Variants in ERC2 observed in about 807,000 individuals in gnomAD.
The protein encoded by ERC2 is ERC protein 2.
Under a neutral mutation model 114.8 loss-of-function variants are expected in ERC2, and 42 were observed. The ratio of observed to expected loss-of-function variants is 0.37; its 90% confidence interval spans 0.29 to 0.47. The LOEUF (loss-of-function observed/expected upper bound fraction) is 0.47, where lower values mean the gene tolerates loss of function less well. ERC2 is among the 20% of genes least tolerant of loss of function. The pLI, the probability that ERC2 is intolerant of heterozygous loss-of-function variation, is 0.99. For missense variants in ERC2, 939 were observed against 1,150.7 expected (o/e 0.82, Z 2.66); for synonymous variants, 454 against 425.5 (o/e 1.07, Z -0.82).
intron 17 of ERC2, among the ~76,000 whole-genome samples, chr3:55,678,643 G>A (rs1032286726): frequency 6.6e-6 from 1 of 152,134 alleles, no homozygotes; most frequent in Admixed American, 6.5e-5. Context: ...GCACATTACT[G>A]CAATAAGAGG....
intron 7 of ERC2, among the ~76,000 whole-genome samples, chr3:56,069,640 G>T (rs1003503658): frequency 6.6e-6 from 1 of 152,136 alleles, no homozygotes; most frequent in Non-Finnish European, 1.5e-5. Flanking sequence ...AAGCTCAGGG[G>T]TCCATCTTAG....
intron 3 of ERC2, among the ~76,000 whole-genome samples, chr3:56,211,775 T>C (rs1197099453): frequency 2.0e-5 from 3 of 152,112 alleles, no homozygotes; most frequent in African/African-American, 4.8e-5. Flanking sequence ...TGGAACAGAA[T>C]AGAGAACCCA....
intron 17 of ERC2, among the ~76,000 whole-genome samples, chr3:55,599,168 C>G (rs2058286555): frequency 6.6e-6 from 1 of 152,160 alleles, no homozygotes; most frequent in South Asian, 2.1e-4. Context: ...ACTATAACCT[C>G]CCCTGTGTGC....
intron 17 of ERC2, among the ~76,000 whole-genome samples, chr3:55,549,789 C>A (rs540504613): frequency 3.3e-5 from 5 of 151,910 alleles, no homozygotes; most frequent in Non-Finnish European, 7.4e-5. Context: ...CTGTCCTCAG[C>A]GAGCTTTGCA....
chr3:55,668,858 A>G (rs1363517018), intron 17 of ERC2, among the ~76,000 whole-genome samples: 1 of 152,224 alleles, frequency 6.6e-6, no homozygotes, highest in Non-Finnish European at 1.5e-5. Flanking sequence ...AAACTACTCA[A>G]GGAGAGCAGG....
intron 3 of ERC2, among the ~76,000 whole-genome samples, chr3:56,196,257 A>G (rs2048095192): frequency 6.6e-6 from 1 of 152,172 alleles, no homozygotes; most frequent in South Asian, 2.1e-4. Context: ...CGTGCTCATT[A>G]GACAAAGTTA....
intron 17 of ERC2, among the ~76,000 whole-genome samples, chr3:55,637,370 C>T (rs538313527): frequency 9.2e-5 from 14 of 152,276 alleles, no homozygotes; most frequent in East Asian, 7.7e-4. Flanking sequence ...GGTGGGAGTG[C>T]GCTTAGGTAG....
chr3:56,348,008 CT>C (rs1560639738), intron 2 of ERC2, among the ~76,000 whole-genome samples: 1 of 152,168 alleles, frequency 6.6e-6, no homozygotes, highest in Non-Finnish European at 1.5e-5. Flanking sequence ...GTTTGTATTT[CT>C]TGAACACTAT....
chr3:55,817,039 A>G (rs1188344834), intron 14 of ERC2, among the ~76,000 whole-genome samples: 1 of 152,208 alleles, frequency 6.6e-6, no homozygotes, highest in Non-Finnish European at 1.5e-5. Context: ...TGCTTCAAAT[A>G]ACCACTTTCA....
chr3:56,335,782 T>G (rs1299063880), intron 2 of ERC2, among the ~76,000 whole-genome samples: 2 of 152,136 alleles, frequency 1.3e-5, no homozygotes, highest in African/African-American at 4.8e-5. Context: ...AAAATAACAC[T>G]GTGTCTCTAC....
chr3:55,969,289 C>G (rs1006414485), intron 12 of ERC2, among the ~76,000 whole-genome samples: 2 of 151,930 alleles, frequency 1.3e-5, no homozygotes, highest in African/African-American at 2.4e-5. Flanking sequence ...TTAATGGATA[C>G]TTTTGGAAAG....
chr3:55,648,657 G>T (rs1201810721), intron 17 of ERC2, among the ~76,000 whole-genome samples: 1 of 152,286 alleles, frequency 6.6e-6, no homozygotes, highest in African/African-American at 2.4e-5. Flanking sequence ...AGAGGAAGGT[G>T]CAAAGAAAGC....
At chr3:55,538,412 A>G (rs1228261570) in intron 17 of ERC2, among the ~76,000 whole-genome samples, 1 of 152,120 alleles carries the variant, frequency 6.6e-6, no homozygotes, top group East Asian at 1.9e-4. Flanking sequence ...CACCATGACA[A>G]CACCACACAT....
intron 3 of ERC2, among the ~76,000 whole-genome samples, chr3:56,276,898 G>T (rs141810887): frequency 6.6e-6 from 1 of 152,130 alleles, no homozygotes; most frequent in Non-Finnish European, 1.5e-5. Context: ...ATTTTGGGGG[G>T]CCACATTCAA....
chr3:55,853,821 A>C (rs1401383379), intron 14 of ERC2, among the ~76,000 whole-genome samples: 1 of 152,186 alleles, frequency 6.6e-6, no homozygotes, highest in Non-Finnish European at 1.5e-5. Flanking sequence ...CATGAAAAGA[A>C]TTACAGAAGT....
chr3:56,392,446 T>A (rs2060162611), intron 2 of ERC2, among the ~76,000 whole-genome samples: 2 of 152,132 alleles, frequency 1.3e-5, no homozygotes, highest in African/African-American at 4.8e-5. Flanking sequence ...GAGGTGGGCA[T>A]GTGCACGGTG....
chr3:56,147,153 T>C (rs1030903129), intron 5 of ERC2, among the ~76,000 whole-genome samples: 4 of 152,246 alleles, frequency 2.6e-5, no homozygotes, highest in African/African-American at 9.6e-5. Context: ...TTCACTCATA[T>C]CTGTGCCTCT....
At chr3:56,334,211 C>G (rs1267590995) in intron 2 of ERC2, among the ~76,000 whole-genome samples, 10 of 152,228 alleles carry the variant, frequency 6.6e-5, no homozygotes, top group Admixed American at 6.5e-4. Flanking sequence ...CCTGGAGCAT[C>G]TGGGGGCCAC....
At position 56,155,172 on chromosome 3, in the gene ERC2, T is replaced by A. The variant is rs1304225971; in HGVS notation, c.1150-6040A>T. On this transcript the variant is annotated intron_variant, in intron 4 of 17. Transcript: ENST00000288221. ...TTTTGGGAACTGCATCTTCGCAACA[T>A]CCCCATGGTTTTAATAGAGTTTTAA... Among the ~76,000 whole-genome samples the A allele has an allele frequency of 2.0e-5, 3 of 152,098 alleles. No homozygotes were observed. The East Asian group carries it at 5.8e-4, about 29-fold the overall frequency.
Sources: gnomAD v4.1 joint callset for allele counts (sites outside exome capture counted in the v4.1 genomes callset) on GRCh38, gnomAD v4.1.1 for gene constraint, MANE v1.5 for transcripts, NCBI Gene and HGNC (gene_info 2026-07-23, HGNC 2026-07-21) for gene names.